The following SPANXN4 variants were observed in gnomAD, a reference collection of about 807,000 sequenced individuals.
The protein encoded by SPANXN4 is sperm protein associated with the nucleus on the X chromosome N4.
SPANXN4 carries 5 observed loss-of-function variants against 6.0 expected under a neutral mutation model. That is an observed-to-expected ratio of 0.83 (90% CI 0.44 to 1.75). The LOEUF is 1.75. Among genes scored for constraint, SPANXN4 ranks in the 40% most tolerant of loss-of-function variants. The pLI is 0.02. For missense variants in SPANXN4, 157 were observed against 108.6 expected, an observed-to-expected ratio of 1.45 and a Z score of -1.98; for synonymous variants, 45 against 38.0, an observed-to-expected ratio of 1.19 and a Z score of -0.68.
At chrX:143,026,503 G>T (rs895154954) in intron 1 of SPANXN4, among the ~76,000 whole-genome samples, 2 of 111,731 alleles carry the variant, frequency 1.8e-5, no homozygotes, top group Non-Finnish European at 3.8e-5. Flanking sequence ...TTTGACCAAG[G>T]TCTACAAAAT....
chrX:143,026,701 G>A (rs760141468), intron 1 of SPANXN4, among the ~76,000 whole-genome samples: 57 of 111,322 alleles, frequency 5.1e-4, no homozygotes, highest in African/African-American at 1.6e-3. Flanking sequence ...CACTGGTACC[G>A]GACTTGGCAG....
rs1166602515 is a variant in SPANXN4 at position 143,034,325 on chromosome X, C to A, written c.283+93C>A. ...TTGAGGAGCTGATGACTGTGTATAC[C>A]TCTGCCTTTTTTTCTGATGGTGGGG... On this transcript the variant is annotated intron_variant, in intron 2 of 2. Transcript: ENST00000370504. The A allele has an allele frequency of 9.6e-7, 1 of 1,043,901 alleles. No individual in the cohort carries two copies. Among genetic ancestry groups the A allele is most frequent in the Non-Finnish European group, 1.3e-6 (1 of 785,510 alleles). The allele number at this position is 1,043,901 out of a possible 1,213,427, so 86.0% of individuals were successfully genotyped here.
exon 1 of SPANXN4, chrX:143,026,025 C>T: frequency 8.3e-7 from 1 of 1,207,721 alleles, no homozygotes; most frequent in South Asian, 1.8e-5. Context: ...ATGGAAGAGC[C>T]AACTTCCAGC....
intron 2 of SPANXN4, chrX:143,034,240 G>T: frequency 8.6e-7 from 1 of 1,164,435 alleles, no homozygotes; most frequent in Non-Finnish European, 1.1e-6. Flanking sequence ...ATGGTGGGCA[G>T]AATTAGTCCA....
chrX:143,034,782 T>G, downstream of SPANXN4: 6 of 1,034,785 alleles, frequency 5.8e-6, no homozygotes, highest in Non-Finnish European at 7.4e-6. Flanking sequence ...TTGGAGGACA[T>G]GCTTCCAATA....
intron 1 of SPANXN4, among the ~76,000 whole-genome samples, chrX:143,026,393 T>C (rs1483269781): frequency 9.0e-6 from 1 of 111,427 alleles, no homozygotes; most frequent in Non-Finnish European, 1.9e-5. Context: ...CCCAACAAGA[T>C]ATGATAGGGA....
At chrX:143,028,777 C>T (rs1157118589) in intron 1 of SPANXN4, among the ~76,000 whole-genome samples, 5 of 110,465 alleles carry the variant, frequency 4.5e-5, no homozygotes, top group Non-Finnish European at 7.6e-5. Context: ...TGTCCTCAGG[C>T]CTGGTGTGTG....
chrX:143,037,455 G>A (rs1440595684), downstream of SPANXN4, among the ~76,000 whole-genome samples: 9 of 111,400 alleles, frequency 8.1e-5, no homozygotes, highest in Admixed American at 4.8e-4. Flanking sequence ...CCATAATAAC[G>A]AATGCCTGCA....
intron 1 of SPANXN4, among the ~76,000 whole-genome samples, chrX:143,026,639 G>T (rs777552972): frequency 1.8e-4 from 20 of 111,432 alleles, no homozygotes; most frequent in Admixed American, 9.5e-4. Context: ...TGTATTCAGG[G>T]TTTGGGTTTT....
At position 143,034,142 on chromosome X, in the gene SPANXN4, C is replaced by T; in HGVS notation, c.193C>T (p.Gln65Ter). 3 of 1,180,322 alleles carry T rather than the reference C, an allele frequency of 2.5e-6. No individual in the cohort carries two copies. Among genetic ancestry groups the T allele is most frequent in the Non-Finnish European group, 3.4e-6 (3 of 879,196 alleles). The change falls in exon 2 of 3, where the codon CAA becomes TAA. Residue 65 changes from glutamine (Q) to a stop codon, truncating the protein, a stop_gained. Transcript: ENST00000370504. LOFTEE classifies it high-confidence loss of function. The stretch of plus-strand genomic sequence containing the variant: ...GAAGAATAAGAAAAGAAATTCAAAT[C>T]AACTGGAGAATAACCAGCCTACAGA...
intron 2 of SPANXN4, chrX:143,034,298 G>T (rs1932831345): frequency 1.1e-5 from 12 of 1,100,643 alleles, no homozygotes; most frequent in Non-Finnish European, 1.5e-5. Flanking sequence ...AATAAAATCA[G>T]TTTGAGGAGC....
intron 1 of SPANXN4, among the ~76,000 whole-genome samples, chrX:143,026,474 C>A (rs771622792): frequency 9.0e-6 from 1 of 111,626 alleles, no homozygotes; most frequent in Non-Finnish European, 1.9e-5. Flanking sequence ...ACGGCCAGAA[C>A]TCCCGTGGAA....
intron 1 of SPANXN4, among the ~76,000 whole-genome samples, 165 bp downstream of exon 1, chrX:143,026,257 T>C (rs1184623662): frequency 9.0e-6 from 1 of 111,474 alleles, no homozygotes; most frequent in African/African-American, 3.3e-5. Flanking sequence ...CTTATAGGTA[T>C]GGGTGGGAGA....
At chrX:143,034,969 T>G (rs1172661261), downstream of SPANXN4, among the ~76,000 whole-genome samples, 1 of 107,204 alleles carries the variant, frequency 9.3e-6, no homozygotes, top group Non-Finnish European at 1.9e-5. Context: ...CCAGCATTTC[T>G]GTAGAATGTC....
At chrX:143,029,370 C>T (rs1236673986) in intron 1 of SPANXN4, among the ~76,000 whole-genome samples, 1 of 111,346 alleles carries the variant, frequency 9.0e-6, no homozygotes, top group Non-Finnish European at 1.9e-5. Context: ...ACTCTCTTTC[C>T]GTTTGCTAGG....
chrX:143,036,331 C>T (rs746990846), downstream of SPANXN4, among the ~76,000 whole-genome samples: 1 of 110,764 alleles, frequency 9.0e-6, no homozygotes, highest in African/African-American at 3.3e-5. Context: ...ATCCTCACAC[C>T]GAATCTCACA....
chrX:143,033,870 C>T (rs893783901), intron 1 of SPANXN4, among the ~76,000 whole-genome samples, 155 bp from the exon 2 acceptor site: 13 of 111,228 alleles, frequency 1.2e-4, no homozygotes, highest in Admixed American at 1.1e-3. Flanking sequence ...TCTTCTTCCC[C>T]ATAGATCCCT....
downstream of SPANXN4, among the ~76,000 whole-genome samples, chrX:143,037,008 A>T (rs1230903877): frequency 9.0e-6 from 1 of 111,226 alleles, no homozygotes; most frequent in Non-Finnish European, 1.9e-5. Context: ...TTCCCCCTAA[A>T]TCTCTCCCTG....
Position 143,034,123 on chromosome X carries a change from TAAGAA to T in SPANXN4, c.181_185del (p.Arg61PhefsTer7). The T allele has an allele frequency of 8.5e-7, 1 of 1,179,103 alleles. No homozygotes were observed. The highest frequency in any genetic ancestry group is 1.1e-6 in the Non-Finnish European group (1 of 878,725). ...CATTAGTGTTTTACTGCAGGAAGAA[TAAGAA>T]AAGAAATTCAAATCAACTGGAGAAT... is the stretch of plus-strand genomic sequence containing the variant. On this transcript the variant is annotated frameshift_variant, in exon 2 of 3. Transcript: ENST00000370504. LOFTEE classifies it high-confidence loss of function.
Sources: gnomAD v4.1 joint callset for allele counts (sites outside exome capture counted in the v4.1 genomes callset) on GRCh38, gnomAD v4.1.1 for gene constraint, MANE v1.5 for transcripts, NCBI Gene and HGNC (gene_info 2026-07-23, HGNC 2026-07-21) for gene names.